The following IL19 variants were observed in gnomAD, a reference collection of about 807,000 sequenced individuals.
IL19 encodes interleukin 19, also known as interleukin-19.
IL19 carries 15 observed loss-of-function variants against 19.5 expected under a neutral mutation model. That is an observed-to-expected ratio of 0.77 (90% CI 0.52 to 1.19). IL19 has a LOEUF of 1.19. IL19 is among the 50% of genes most tolerant of loss of function. The pLI is 0.00. For synonymous variants in IL19, 78 were observed against 78.3 expected (o/e 1.00, Z 0.02); for missense variants, 199 against 213.1 (o/e 0.93, Z 0.41).
At chr1:206,820,283 C>T (rs976995682) in intron 2 of IL19, among the ~76,000 whole-genome samples, 6 of 152,170 alleles carry the variant, frequency 3.9e-5, no homozygotes, top group African/African-American at 1.2e-4. Context: ...GAAACCCTCC[C>T]GCTTGAGGTT....
intron 1 of IL19, among the ~76,000 whole-genome samples, chr1:206,792,491 C>G (rs1675432809): frequency 6.6e-6 from 1 of 152,048 alleles, no homozygotes; most frequent in African/African-American, 2.4e-5. Flanking sequence ...GAGTCTTGCT[C>G]TGTCGCACAT....
chr1:206,782,058 CAT>C (rs1239897523), intron 1 of IL19, among the ~76,000 whole-genome samples: 1 of 62,242 alleles, frequency 1.6e-5, no homozygotes, highest in African/African-American at 4.8e-5. Flanking sequence ...GTTATATATA[CAT>C]ATATGTGTAA....
At chr1:206,839,401 C>T (rs1191648348) in intron 4 of IL19, among the ~76,000 whole-genome samples, 1 of 152,148 alleles carries the variant, frequency 6.6e-6, no homozygotes, top group Non-Finnish European at 1.5e-5. Flanking sequence ...ATGCAACAGC[C>T]CTTGCATGTT....
intron 1 of IL19, among the ~76,000 whole-genome samples, chr1:206,798,060 T>C (rs1386660161): frequency 2.6e-5 from 4 of 152,162 alleles, no homozygotes; most frequent in Non-Finnish European, 5.9e-5. Context: ...GAGGTGGAGT[T>C]GAAGGAGGAA....
At chr1:206,804,875 C>G (rs554656437) in intron 2 of IL19, among the ~76,000 whole-genome samples, 1 of 152,354 alleles carries the variant, frequency 6.6e-6, no homozygotes, top group South Asian at 2.1e-4. Context: ...TGGGTGCTAA[C>G]TGCATGGGTG....
chr1:206,829,599 C>T (rs59919884), intron 2 of IL19, among the ~76,000 whole-genome samples: 6,568 of 152,164 alleles, frequency 0.043, 518 homozygotes, highest in African/African-American at 0.15. Context: ...GAGCAGATTT[C>T]CTGCTACTGG....
intron 2 of IL19, among the ~76,000 whole-genome samples, chr1:206,826,966 C>T (rs901453950): frequency 9.2e-5 from 14 of 152,218 alleles, no homozygotes; most frequent in South Asian, 2.1e-4. Context: ...AGTTGTCTGA[C>T]GAAGGAAACA....
At chr1:206,805,478 C>A (rs1222304106) in intron 2 of IL19, among the ~76,000 whole-genome samples, 1 of 152,118 alleles carries the variant, frequency 6.6e-6, no homozygotes, top group Non-Finnish European at 1.5e-5. Context: ...CTAGAGCAAG[C>A]CATTATAAAA....
At chr1:206,813,552 A>G (rs1161641063) in intron 2 of IL19, among the ~76,000 whole-genome samples, 2 of 152,196 alleles carry the variant, frequency 1.3e-5, no homozygotes, top group Non-Finnish European at 2.9e-5. Context: ...CTGGCCAAGC[A>G]ATGCCTCTTA....
chr1:206,793,102 C>T (rs1675444276), intron 1 of IL19, among the ~76,000 whole-genome samples: 1 of 152,214 alleles, frequency 6.6e-6, no homozygotes, highest in Admixed American at 6.5e-5. Context: ...CATGAATGCG[C>T]TTGTGGGACA....
intron 2 of IL19, among the ~76,000 whole-genome samples, chr1:206,812,700 G>A (rs772245027): frequency 2.0e-5 from 3 of 152,202 alleles, no homozygotes; most frequent in Admixed American, 6.5e-5. Context: ...AACCCCAACC[G>A]TGTGAGGTGC....
At chr1:206,815,436 T>C (rs1676130433) in intron 2 of IL19, among the ~76,000 whole-genome samples, 1 of 152,202 alleles carries the variant, frequency 6.6e-6, no homozygotes, top group Non-Finnish European at 1.5e-5. Flanking sequence ...ATTTTACTCT[T>C]GAGAATTCCT....
chr1:206,777,073 T>C (rs1675022473), intron 1 of IL19, among the ~76,000 whole-genome samples: 1 of 151,354 alleles, frequency 6.6e-6, no homozygotes, highest in African/African-American at 2.4e-5. Context: ...CTACTAAAAA[T>C]AGAAAAAATT....
intron 2 of IL19, chr1:206,834,485 G>A: frequency 1.0e-6 from 1 of 972,280 alleles, no homozygotes; most frequent in Non-Finnish European, 1.2e-6. Context: ...GAGGTGACCT[G>A]TTACCATTGT....
intron 1 of IL19, among the ~76,000 whole-genome samples, chr1:206,781,980 A>G (rs1675154244): frequency 1.4e-5 from 1 of 70,908 alleles, no homozygotes; most frequent in African/African-American, 4.7e-5. Flanking sequence ...TGTTATATAT[A>G]CATATATATG....
chr1:206,782,085 A>G (rs964595724), intron 1 of IL19, among the ~76,000 whole-genome samples: 2 of 148,748 alleles, frequency 1.3e-5, no homozygotes, highest in Non-Finnish European at 3.0e-5. Flanking sequence ...TTATCATATT[A>G]GAAAGTAAAA....
Position 206,771,023 on chromosome 1 carries a change from G to C in IL19, c.-204G>C. On this transcript the variant is annotated 5_prime_UTR_variant, in exon 1 of 7. Transcript: ENST00000659997. ...GGCATCACCTCCTCCAGGTAAAACTGGATCATCTCAGACAAGGCTTGGCAA... is the reference window on the plus strand; with the variant it reads ...GGCATCACCTCCTCCAGGTAAAACTCGATCATCTCAGACAAGGCTTGGCAA... 6.2e-7 allele frequency: 1 copy of C among 1,614,158 alleles called. No homozygotes were observed. The highest frequency in any genetic ancestry group is 8.5e-7 in the Non-Finnish European group (1 of 1,180,000).
chr1:206,827,646 G>A (rs573186860), intron 2 of IL19, among the ~76,000 whole-genome samples: 5 of 151,564 alleles, frequency 3.3e-5, no homozygotes, highest in East Asian at 1.9e-4. Context: ...AGCCGAGATC[G>A]TGCCACTGCA....
chr1:206,827,710 C>A (rs112204811), intron 2 of IL19, among the ~76,000 whole-genome samples: 493 of 4,754 alleles, frequency 0.1, 8 homozygotes, highest in South Asian at 0.4. Context: ...CAAAACAAAA[C>A]AAAAAAAACA....
Sources: allele counts gnomAD v4.1 joint callset (sites outside exome capture counted in the v4.1 genomes callset), GRCh38; gene constraint gnomAD v4.1.1; transcripts MANE v1.5; gene names NCBI Gene and HGNC (gene_info 2026-07-23, HGNC 2026-07-21).